GAPVD1: variants seen among roughly 807,000 people sequenced by gnomAD.
GAPVD1 encodes the protein GTPase-activating protein and VPS9 domain-containing protein 1.
GAPVD1 carries 35 observed loss-of-function variants against 155.5 expected under a neutral mutation model. That is an observed-to-expected ratio of 0.23 (90% CI 0.17 to 0.30). The LOEUF (loss-of-function observed/expected upper bound fraction) is 0.30. Ranked by LOEUF, GAPVD1 falls within the 10% of genes least tolerant of loss-of-function variation. The probability of loss-of-function intolerance (pLI) is 1.00; values close to 1 mark genes in which losing one functional copy is unlikely to be tolerated. For synonymous variants in GAPVD1, 636 were observed against 619.7 expected (o/e 1.03, Z -0.39); for missense variants, 1,429 against 1,775.7 (o/e 0.80, Z 3.51).
chr9:125,322,365 C>T (rs996836081), intron 10 of GAPVD1, among the ~76,000 whole-genome samples: 27 of 151,904 alleles, frequency 1.8e-4, no homozygotes, highest in African/African-American at 1.7e-4. Context: ...CGCCTGGCCC[C>T]GGGTTTTTTT....
At chr9:125,269,384 T>C (rs2131762029) in intron 2 of GAPVD1, among the ~76,000 whole-genome samples, 1 of 152,292 alleles carries the variant, frequency 6.6e-6, no homozygotes, top group Non-Finnish European at 1.5e-5. Context: ...GCAAGAAGGA[T>C]TTCAGTTATG....
At chr9:125,311,438 A>G (rs1588866944) in intron 8 of GAPVD1, among the ~76,000 whole-genome samples, 2 of 152,126 alleles carry the variant, frequency 1.3e-5, no homozygotes, top group Admixed American at 1.3e-4. Flanking sequence ...CCTGAGCAAC[A>G]TGGCAAAACC....
chr9:125,338,846 G>GT (rs1192132259), intron 17 of GAPVD1, among the ~76,000 whole-genome samples: 1 of 151,818 alleles, frequency 6.6e-6, no homozygotes, highest in Admixed American at 6.6e-5. Context: ...TTAAAAATAT[G>GT]TAACTATCTG....
chr9:125,263,822 G>A (rs1276442349), intron 1 of GAPVD1: 17 of 1,110,684 alleles, frequency 1.5e-5, no homozygotes, highest in South Asian at 4.9e-5. Context: ...CAGCTATGGC[G>A]TAGGGTAGCA....
At chr9:125,273,483 T>C (rs571693691) in intron 2 of GAPVD1, among the ~76,000 whole-genome samples, 193 of 152,068 alleles carry the variant, frequency 1.3e-3, no homozygotes, top group Non-Finnish European at 2.2e-3. Context: ...CAAATTTTTA[T>C]TGTTTTTCTT....
chr9:125,315,955 C>G (rs770740327), intron 9 of GAPVD1, among the ~76,000 whole-genome samples: 7 of 152,084 alleles, frequency 4.6e-5, no homozygotes, highest in Non-Finnish European at 1.0e-4. Flanking sequence ...TGTTGAAGTT[C>G]CCCAAAACAG....
At chr9:125,294,565 C>G (rs1839527956) in intron 2 of GAPVD1, among the ~76,000 whole-genome samples, 1 of 151,172 alleles carries the variant, frequency 6.6e-6, no homozygotes, top group African/African-American at 2.4e-5. Context: ...TCAGGCTGGT[C>G]TCAAACTCCA....
intron 13 of GAPVD1, among the ~76,000 whole-genome samples, chr9:125,331,071 A>G (rs891408734): frequency 1.3e-5 from 2 of 151,890 alleles, no homozygotes; most frequent in East Asian, 1.9e-4. Flanking sequence ...TTTTCTGATT[A>G]TGAAGACGCA....
At chr9:125,350,173 A>G in intron 21 of GAPVD1, 122 bp from the exon 22 acceptor site, 1 of 644,496 alleles carries the variant, frequency 1.6e-6, no homozygotes, top group Non-Finnish European at 2.6e-6. Context: ...GTTAAGAATC[A>G]TCTTCTTTAA....
intron 2 of GAPVD1, among the ~76,000 whole-genome samples, chr9:125,292,407 T>TG (rs1838754595): frequency 6.6e-6 from 1 of 152,022 alleles, no homozygotes; most frequent in Non-Finnish European, 1.5e-5. Context: ...TAGATTTTTT[T>TG]TTTTTTAGAC....
intron 9 of GAPVD1, among the ~76,000 whole-genome samples, chr9:125,316,951 G>A (rs532625186): frequency 9.2e-5 from 14 of 152,242 alleles, no homozygotes; most frequent in Middle Eastern, 3.4e-3. Flanking sequence ...TAAAATGTCT[G>A]CTTTTCAGCA....
chr9:125,263,399 A>G (rs1833280594), intron 1 of GAPVD1, among the ~76,000 whole-genome samples: 1 of 152,268 alleles, frequency 6.6e-6, no homozygotes, highest in African/African-American at 2.4e-5. Flanking sequence ...CAGTGAGCCA[A>G]GATCACGCCA....
chr9:125,314,011 G>C (rs10986698), intron 9 of GAPVD1, among the ~76,000 whole-genome samples: 1,966 of 152,320 alleles, frequency 0.013, 104 homozygotes, highest in East Asian at 0.088. Context: ...TAATACATCT[G>C]TGGCACTGAG....
chr9:125,321,652 C>A, intron 10 of GAPVD1, 90 bp downstream of exon 10: 1 of 1,175,072 alleles, frequency 8.5e-7, no homozygotes. Flanking sequence ...ATAATTATAC[C>A]ATCTGTGCTT....
intron 3 of GAPVD1, among the ~76,000 whole-genome samples, chr9:125,298,310 C>T (rs541821983): frequency 2.6e-4 from 39 of 152,228 alleles, no homozygotes; most frequent in African/African-American, 4.8e-4. Context: ...TGAGGATATA[C>T]ACAGGGTTTA....
intron 23 of GAPVD1, among the ~76,000 whole-genome samples, chr9:125,351,745 T>TG (rs1365919667): frequency 1.6e-4 from 24 of 151,996 alleles, no homozygotes; most frequent in Middle Eastern, 3.4e-3. Flanking sequence ...TCTTTCTTTT[T>TG]TTTTTTTCCC....
intron 2 of GAPVD1, among the ~76,000 whole-genome samples, chr9:125,286,251 T>C (rs1837677126): frequency 6.6e-6 from 1 of 152,210 alleles, no homozygotes; most frequent in Non-Finnish European, 1.5e-5. Flanking sequence ...GCAGCTGAGA[T>C]AACAGCTGTG....
At position 125,331,943 on chromosome 9, in the gene GAPVD1, C is replaced by G; in HGVS notation, c.2191C>G (p.Gln731Glu). 2 of 1,613,970 alleles carry G rather than the reference C, an allele frequency of 1.2e-6. No homozygotes were observed. The highest frequency in any genetic ancestry group is 1.7e-6 in the Non-Finnish European group (2 of 1,179,884). The change falls in exon 14 of 28, where the codon CAG becomes GAG. Residue 731 changes from glutamine (Q) to glutamate (E), a missense_variant. Physicochemically the swap from Gln to Glu is conservative, Grantham distance 29. Coordinates refer to ENST00000297933, the MANE Select transcript of GAPVD1 (RefSeq NM_001282680.3). ...PSDSEAPDLK[Q>E]EERLQELESC... Reference sequence around the variant, plus strand: ...CTATTTAGAGGCCCCAGACCTAAAGCAGGAGGAGCGTCTGCAAGAACTGGA... The same window carrying G: ...CTATTTAGAGGCCCCAGACCTAAAGGAGGAGGAGCGTCTGCAAGAACTGGA...
Position 125,302,689 on chromosome 9 carries a change from G to T in GAPVD1, c.892G>T (p.Glu298Ter). The T allele has an allele frequency of 6.2e-7, 1 of 1,613,780 alleles. No homozygotes were observed. Among genetic ancestry groups the T allele is most frequent in the Non-Finnish European group, 8.5e-7 (1 of 1,179,896 alleles). The change falls in exon 5 of 28, where the codon GAA becomes TAA. Residue 298 changes from glutamate (E) to a stop codon, truncating the protein, a stop_gained. Transcript: ENST00000297933. LOFTEE classifies it high-confidence loss of function. Reference sequence around the variant, plus strand: ...AACCCTCTCCTGTGTAGATAGGCTGGAAGTTGGGGAGGTCAGGGCAATGTG... The same window carrying T: ...AACCCTCTCCTGTGTAGATAGGCTGTAAGTTGGGGAGGTCAGGGCAATGTG... ...YKTLSCVDRL[E>*]VGEVRAMCTD... is the part of the protein sequence containing the mutation.
Sources: allele counts gnomAD v4.1 joint callset (sites outside exome capture counted in the v4.1 genomes callset), GRCh38; gene constraint gnomAD v4.1.1; transcripts MANE v1.5; gene names NCBI Gene and HGNC (gene_info 2026-07-23, HGNC 2026-07-21).